The following UTS2 variants were observed in gnomAD, a reference collection of about 807,000 sequenced individuals.
UTS2 encodes urotensin-2.
UTS2 carries 10 observed loss-of-function variants against 12.6 expected under a neutral mutation model. The observed-to-expected ratio is 0.80, with a 90% confidence interval of 0.49 to 1.35. UTS2 has a LOEUF of 1.35. Among genes scored for constraint, UTS2 ranks in the 40% most tolerant of loss-of-function variants. UTS2 has a pLI of 0.00. For synonymous variants in UTS2, 52 were observed against 50.0 expected, an observed-to-expected ratio of 1.04 and a Z score of -0.17; for missense variants, 142 against 143.2, an observed-to-expected ratio of 0.99 and a Z score of 0.04.
At chr1:7,884,613 T>A in the UTS2 span, among the ~76,000 whole-genome samples, 1 of 152,186 alleles carries the variant, frequency 6.6e-6, no homozygotes, top group South Asian at 2.1e-4. Context: ...CCAGCCAACA[T>A]CTGATCTTTT....
the UTS2 span, among the ~76,000 whole-genome samples, chr1:7,875,978 C>T: frequency 6.6e-6 from 1 of 152,156 alleles, no homozygotes; most frequent in African/African-American, 2.4e-5. Flanking sequence ...ACTGCTGGTA[C>T]CCAAGCATAC....
chr1:7,901,606 ATG>A, the UTS2 span, among the ~76,000 whole-genome samples: 352 of 126,706 alleles, frequency 2.8e-3, 1 homozygote, highest in East Asian at 9.7e-3. Flanking sequence ...ATATTCATCT[ATG>A]TGTGTGTGTG....
At chr1:7,907,997 C>G in the UTS2 span, among the ~76,000 whole-genome samples, 1 of 146,568 alleles carries the variant, frequency 6.8e-6, no homozygotes, top group East Asian at 2.0e-4. Context: ...GAAACTCTGT[C>G]TCTACTAAAA....
chr1:7,879,350 A>G, the UTS2 span, among the ~76,000 whole-genome samples: 4 of 152,190 alleles, frequency 2.6e-5, no homozygotes, highest in Admixed American at 6.5e-5. Flanking sequence ...AATCAACATC[A>G]AGAGAAACTT....
chr1:7,861,915 C>CTTT, the UTS2 span, among the ~76,000 whole-genome samples: 1 of 142,988 alleles, frequency 7.0e-6, no homozygotes, highest in Non-Finnish European at 1.5e-5. Context: ...CAAAACACCT[C>CTTT]TTTTTTTTTT....
At chr1:7,860,167 G>C in the UTS2 span, among the ~76,000 whole-genome samples, 1 of 152,324 alleles carries the variant, frequency 6.6e-6, no homozygotes, top group East Asian at 1.9e-4. Flanking sequence ...GCCTCACCGA[G>C]TTTATGTTCA....
the UTS2 span, among the ~76,000 whole-genome samples, chr1:7,887,642 T>TGTA: frequency 7.0e-6 from 1 of 142,406 alleles, no homozygotes; most frequent in Admixed American, 7.1e-5. Context: ...AGCACATGAA[T>TGTA]GTAGTCCCAG....
At chr1:7,911,910 A>C in the UTS2 span, among the ~76,000 whole-genome samples, 6 of 151,844 alleles carry the variant, frequency 4.0e-5, no homozygotes, top group Non-Finnish European at 7.4e-5. Context: ...CAAAAAAAAA[A>C]AAAAAAATCA....
intron 2 of UTS2, among the ~76,000 whole-genome samples, chr1:7,850,506 G>A (rs919691992): frequency 1.3e-5 from 2 of 152,080 alleles, no homozygotes; most frequent in African/African-American, 2.4e-5. Context: ...TTCAGTAAAC[G>A]GGAAACTAGG....
intron 1 of UTS2, 57 bp from the exon 2 acceptor site, chr1:7,850,979 G>C: frequency 6.4e-7 from 1 of 1,557,520 alleles, no homozygotes; most frequent in Non-Finnish European, 8.8e-7. Flanking sequence ...AGTTATTTCT[G>C]TTCCTTGTGT....
At chr1:7,897,270 T>A in the UTS2 span, among the ~76,000 whole-genome samples, 1 of 152,240 alleles carries the variant, frequency 6.6e-6, no homozygotes, top group African/African-American at 2.4e-5. Flanking sequence ...TTTTTCCTTC[T>A]GCTGATACCA....
the UTS2 span, among the ~76,000 whole-genome samples, chr1:7,873,778 A>G: frequency 6.6e-6 from 1 of 152,222 alleles, no homozygotes; most frequent in East Asian, 1.9e-4. Context: ...AACTTACTTG[A>G]TAAAGCATTG....
chr1:7,867,957 A>G, the UTS2 span, among the ~76,000 whole-genome samples: 1 of 152,238 alleles, frequency 6.6e-6, no homozygotes, highest in Non-Finnish European at 1.5e-5. Context: ...ATTTTGTTAC[A>G]GTAGCCCAAG....
the UTS2 span, among the ~76,000 whole-genome samples, chr1:7,859,426 TAGTG>T: frequency 6.6e-6 from 1 of 151,958 alleles, no homozygotes; most frequent in African/African-American, 2.4e-5. Flanking sequence ...CCTCAAGAGA[TAGTG>T]GGGAGAATGG....
the UTS2 span, among the ~76,000 whole-genome samples, chr1:7,893,119 G>A: frequency 1.3e-5 from 2 of 152,184 alleles, no homozygotes; most frequent in African/African-American, 2.4e-5. Flanking sequence ...GTTATTAAAT[G>A]TCTATACTAT....
the UTS2 span, among the ~76,000 whole-genome samples, chr1:7,862,215 G>T: frequency 6.6e-6 from 1 of 150,854 alleles, no homozygotes; most frequent in Admixed American, 6.6e-5. Context: ...GTGAGCCACC[G>T]CGCCCTGCCT....
intron 2 of UTS2, 71 bp from the exon 3 acceptor site, chr1:7,849,754 A>G (rs1180755469): frequency 7.5e-7 from 1 of 1,331,122 alleles, no homozygotes; most frequent in Non-Finnish European, 1.0e-6. Context: ...AAAATATACA[A>G]AATAATATTA....
chr1:7,906,445 A>AAG, the UTS2 span, among the ~76,000 whole-genome samples: 10 of 104,180 alleles, frequency 9.6e-5, no homozygotes, highest in African/African-American at 3.2e-4. Flanking sequence ...GAAAGAAAGA[A>AAG]AAAGAGAAAG....
the UTS2 span, among the ~76,000 whole-genome samples, chr1:7,904,645 C>T: frequency 6.6e-6 from 1 of 152,064 alleles, no homozygotes; most frequent in African/African-American, 2.4e-5. Context: ...TGGCTCACGC[C>T]TATAATCCCA....
Sources: gnomAD v4.1 joint callset for allele counts (sites outside exome capture counted in the v4.1 genomes callset) on GRCh38, gnomAD v4.1.1 for gene constraint, MANE v1.5 for transcripts, NCBI Gene and HGNC (gene_info 2026-07-23, HGNC 2026-07-21) for gene names.